KCNIP4: variants seen among roughly 807,000 people sequenced by gnomAD.
KCNIP4 encodes Kv channel-interacting protein 4.
In KCNIP4, 12 loss-of-function variants were observed where a neutral mutation model predicts 34.0. The ratio of observed to expected loss-of-function variants is 0.35; its 90% CI spans 0.23 to 0.57. The LOEUF (loss-of-function observed/expected upper bound fraction) is 0.57, where lower values mean the gene tolerates loss of function less well. Ranked by LOEUF, KCNIP4 falls within the 20% of genes least tolerant of loss-of-function variation. The pLI, the probability that KCNIP4 is intolerant of heterozygous loss-of-function variation, is 0.83. For synonymous variants in KCNIP4, 124 were observed against 102.2 expected (o/e 1.21, Z -1.29); for missense variants, 238 against 311.7 (o/e 0.76, Z 1.78).
chr4:21,520,014 C>G (rs186476210), intron 1 of KCNIP4, among the ~76,000 whole-genome samples: 1 of 151,652 alleles, frequency 6.6e-6, no homozygotes, highest in Non-Finnish European at 1.5e-5. Context: ...ACTTGGAGTG[C>G]GATGTTTGAG....
chr4:21,484,926 AG>A (rs2109844508), intron 1 of KCNIP4, among the ~76,000 whole-genome samples: 1 of 152,354 alleles, frequency 6.6e-6, no homozygotes, highest in East Asian at 1.9e-4. Flanking sequence ...TTCCCAGCAT[AG>A]GTCACACACA....
At chr4:20,772,599 T>A (rs1017162593) in intron 3 of KCNIP4, among the ~76,000 whole-genome samples, 2 of 151,958 alleles carry the variant, frequency 1.3e-5, no homozygotes, top group African/African-American at 4.8e-5. Context: ...AAATACATTT[T>A]ATACATTTTA....
At chr4:21,325,261 A>G (rs1006920462) in intron 1 of KCNIP4, among the ~76,000 whole-genome samples, 5 of 151,530 alleles carry the variant, frequency 3.3e-5, no homozygotes, top group African/African-American at 1.2e-4. Flanking sequence ...ATTTTTTATT[A>G]CATCTTTGAT....
At chr4:21,462,012 T>TATCA (rs1465413113) in intron 1 of KCNIP4, among the ~76,000 whole-genome samples, 2 of 143,704 alleles carry the variant, frequency 1.4e-5, no homozygotes. Flanking sequence ...TTAGAATATC[T>TATCA]ATCACCTCAA....
intron 1 of KCNIP4, among the ~76,000 whole-genome samples, chr4:21,919,153 T>A (rs1728807421): frequency 6.6e-6 from 1 of 152,198 alleles, no homozygotes; most frequent in South Asian, 2.1e-4. Context: ...GTTCTGCCCC[T>A]GTCCAGCAAG....
chr4:21,166,085 G>A (rs1186551311), intron 1 of KCNIP4, among the ~76,000 whole-genome samples: 1 of 152,088 alleles, frequency 6.6e-6, no homozygotes, highest in Non-Finnish European at 1.5e-5. Flanking sequence ...CCAGAACTGT[G>A]AGCAATATAT....
At chr4:21,319,405 C>G (rs191249284) in intron 1 of KCNIP4, among the ~76,000 whole-genome samples, 59 of 152,286 alleles carry the variant, frequency 3.9e-4, no homozygotes, top group African/African-American at 1.4e-3. Context: ...CTAGTTTTCC[C>G]CTTATGTCTA....
rs138796707 is a variant in KCNIP4, at chr4:21,684,234, C to T, written c.61+264337G>A. On this transcript the variant is annotated intron_variant, in intron 1 of 8. Coordinates refer to ENST00000382152, the MANE Select transcript of KCNIP4 (RefSeq NM_025221.6). Reference sequence around the variant, plus strand: ...AGCAGCATGTACCTGAATTCTTATGCGTTTTAGAAGCTGGAATGGACTGAT... The same window carrying T: ...AGCAGCATGTACCTGAATTCTTATGTGTTTTAGAAGCTGGAATGGACTGAT... Among the ~76,000 whole-genome samples the T allele has an allele frequency of 2.6e-3, 403 of 152,234 alleles. 1 individual carries two copies. Among genetic ancestry groups the T allele is most frequent in the African/African-American group, 7.8e-3 (322 of 41,546 alleles).
In KCNIP4 at chr4:21,560,385, T is replaced by G. The variant is rs951099566; in HGVS notation, c.61+388186A>C. On this transcript the variant is annotated intron_variant, in intron 1 of 8. Transcript: ENST00000382152. ...TTGAGCCTTATTAAAATTTAAAGTG[T>G]ATCCGTAAACATGTAAGTGCCTATT... Among the ~76,000 whole-genome samples, 6 of 152,228 alleles carry G rather than the reference T, an allele frequency of 3.9e-5. No individual in the cohort carries two copies. In the South Asian group the frequency reaches 1.2e-3, roughly 32 times the overall value.
chr4:21,820,069 T>C (rs1722235443), intron 1 of KCNIP4, among the ~76,000 whole-genome samples: 1 of 151,840 alleles, frequency 6.6e-6, no homozygotes, highest in Non-Finnish European at 1.5e-5. Context: ...TTCACTCTAT[T>C]AGTTTGGGTT....
chr4:20,957,225 C>G (rs1733404269), intron 1 of KCNIP4, among the ~76,000 whole-genome samples: 1 of 152,152 alleles, frequency 6.6e-6, no homozygotes, highest in African/African-American at 2.4e-5. Flanking sequence ...CCTTCAGATT[C>G]CACAGTGACC....
intron 1 of KCNIP4, among the ~76,000 whole-genome samples, chr4:21,689,839 G>A (rs529955363): frequency 1.1e-4 from 16 of 151,866 alleles, no homozygotes; most frequent in Non-Finnish European, 2.1e-4. Flanking sequence ...TCCTGAAGTT[G>A]GAAAATAATG....
chr4:21,741,721 T>C (rs1044722226), intron 1 of KCNIP4, among the ~76,000 whole-genome samples: 5 of 152,158 alleles, frequency 3.3e-5, no homozygotes, highest in African/African-American at 1.2e-4. Context: ...AATCAACTCC[T>C]AACTGTTGAT....
At chr4:21,296,323 C>T (rs1209362947) in intron 1 of KCNIP4, among the ~76,000 whole-genome samples, 2 of 151,726 alleles carry the variant, frequency 1.3e-5, no homozygotes, top group Non-Finnish European at 2.9e-5. Context: ...GTGACAGCAT[C>T]TTACAAGCAC....
chr4:21,018,387 T>C (rs949440559), intron 1 of KCNIP4, among the ~76,000 whole-genome samples: 3 of 152,208 alleles, frequency 2.0e-5, no homozygotes, highest in African/African-American at 7.2e-5. Flanking sequence ...GTCCATGAGA[T>C]TGCACCTTGC....
chr4:21,383,777 G>C (rs1460024765), intron 1 of KCNIP4, among the ~76,000 whole-genome samples: 3 of 152,224 alleles, frequency 2.0e-5, no homozygotes, highest in East Asian at 3.9e-4. Flanking sequence ...ACAACACCCA[G>C]AGGGTTCATT....
chr4:21,319,039 A>T (rs1169139733), intron 1 of KCNIP4, among the ~76,000 whole-genome samples: 1 of 152,212 alleles, frequency 6.6e-6, no homozygotes, highest in Non-Finnish European at 1.5e-5. Flanking sequence ...TATCACGACA[A>T]TTTAAAGAGA....
chr4:21,237,636 T>A (rs1003098023), intron 1 of KCNIP4, among the ~76,000 whole-genome samples: 5 of 151,940 alleles, frequency 3.3e-5, no homozygotes, highest in Non-Finnish European at 2.9e-5. Context: ...CTAGAAGAAA[T>A]GGATAAATTC....
chr4:21,750,753 A>G (rs1381901122), intron 1 of KCNIP4, among the ~76,000 whole-genome samples: 2 of 152,128 alleles, frequency 1.3e-5, no homozygotes, highest in African/African-American at 4.8e-5. Context: ...CCAGGTGCTC[A>G]ACAGTTATTT....
Sources: allele counts gnomAD v4.1 joint callset (sites outside exome capture counted in the v4.1 genomes callset), GRCh38; gene constraint gnomAD v4.1.1; transcripts MANE v1.5; gene names NCBI Gene and HGNC (gene_info 2026-07-23, HGNC 2026-07-21).